Variants in ARHGAP35 observed in about 807,000 individuals in gnomAD.
ARHGAP35 encodes rho GTPase-activating protein 35.
Under a neutral mutation model 111.1 loss-of-function variants are expected in ARHGAP35, and 15 were observed. The ratio of observed to expected loss-of-function variants is 0.13; its 90% confidence interval spans 0.09 to 0.21. The LOEUF is 0.21. Among genes scored for constraint, ARHGAP35 ranks in the 10% least tolerant of loss-of-function variants. The pLI, the probability that ARHGAP35 is intolerant of heterozygous loss-of-function variation, is 1.00. For synonymous variants in ARHGAP35, 643 were observed against 710.3 expected (o/e 0.91, Z 1.51); for missense variants, 1,262 against 1,873.0 (o/e 0.67, Z 6.02).
At chr19:46,870,854 AT>A (rs1158559011) in intron 1 of ARHGAP35, among the ~76,000 whole-genome samples, 1 of 152,196 alleles carries the variant, frequency 6.6e-6, no homozygotes, top group African/African-American at 2.4e-5. Flanking sequence ...TTAAAAAAAA[AT>A]AAGGTATAAT....
chr19:46,925,972 G>C (rs2056235633), intron 2 of ARHGAP35, among the ~76,000 whole-genome samples: 1 of 152,196 alleles, frequency 6.6e-6, no homozygotes, highest in African/African-American at 2.4e-5. Flanking sequence ...TCCGAGAAAG[G>C]AGAAAACTTG....
intron 2 of ARHGAP35, among the ~76,000 whole-genome samples, chr19:46,924,274 A>T (rs964043021): frequency 1.3e-5 from 2 of 152,208 alleles, no homozygotes; most frequent in African/African-American, 4.8e-5. Context: ...TGTAATACAG[A>T]GGCCAGTTTG....
chr19:46,871,588 C>T lies in ARHGAP35; in HGVS notation c.-189+10379C>T, dbSNP rs193265340. Among the ~76,000 whole-genome samples the T allele has an allele frequency of 6.5e-3, 985 of 152,058 alleles. 6 individuals carry two copies. The highest frequency in any genetic ancestry group is 0.022 in the African/African-American group (918 of 41,488). ...GAACTCCTGACCTCATGTGATCCAC[C>T]TGCCTCAGCCTCCCAAAGTGCTGGG... On this transcript the variant is annotated intron_variant, in intron 1 of 6. Transcript: ENST00000672722.
intron 1 of ARHGAP35, among the ~76,000 whole-genome samples, chr19:46,884,974 T>A (rs1449555949): frequency 2.6e-5 from 4 of 152,188 alleles, no homozygotes; most frequent in Admixed American, 6.5e-5. Context: ...TGCCTTGACC[T>A]CCCAACGTGT....
rs547896641 is a variant in ARHGAP35 at position 46,879,072 on chromosome 19, T to C, written c.-189+17863T>C. 6.6e-5 allele frequency among the ~76,000 whole-genome samples: 10 copies of C among 152,368 alleles called. No homozygotes were observed. The South Asian group carries it at 2.1e-3, about 32-fold the overall frequency. On this transcript the variant is annotated intron_variant, in intron 1 of 6. Coordinates refer to ENST00000672722, the MANE Select transcript of ARHGAP35 (RefSeq NM_004491.5). ...ATCCTCTGAAACCCTGCTGCTACTTTATCAGCTAAGCTATGTAATACTCTG... is the reference window on the plus strand; with the variant it reads ...ATCCTCTGAAACCCTGCTGCTACTTCATCAGCTAAGCTATGTAATACTCTG...
At chr19:46,974,787 C>T (rs1485143645) in intron 3 of ARHGAP35, among the ~76,000 whole-genome samples, 4 of 152,156 alleles carry the variant, frequency 2.6e-5, no homozygotes, top group Admixed American at 6.5e-5. Context: ...AAGGTTTGGT[C>T]TTTCTGGAGA....
intron 1 of ARHGAP35, among the ~76,000 whole-genome samples, chr19:46,876,860 CAG>C: frequency 6.6e-6 from 1 of 152,270 alleles, no homozygotes; most frequent in Middle Eastern, 3.4e-3. Context: ...AGGCATAACT[CAG>C]AGATAGTGTG....
intron 2 of ARHGAP35, among the ~76,000 whole-genome samples, chr19:46,928,602 C>T (rs1022828459): frequency 5.3e-5 from 8 of 151,900 alleles, no homozygotes; most frequent in Admixed American, 2.6e-4. Context: ...GGGGTGGATC[C>T]GCGGTCACCA....
Position 46,999,546 on chromosome 19 carries a change from C to A in ARHGAP35, c.4142+137C>A. On this transcript the variant is annotated intron_variant, in intron 6 of 6. Coordinates refer to ENST00000672722, the MANE Select transcript of ARHGAP35 (RefSeq NM_004491.5). The surrounding 1 kb of genome is among the most constrained non-coding windows in gnomAD (Gnocchi z 5.4). ...CCTGGAAGGGGTGCTGGCTGGCCTC[C>A]CATGGTGCCCGCTGGTCTCGGTGCC... The A allele has an allele frequency of 1.6e-6, 1 of 626,034 alleles. No homozygotes were observed. The highest frequency in any genetic ancestry group is 2.8e-6 in the Non-Finnish European group (1 of 358,612). 38.8% of individuals were successfully genotyped at this position (626,034 alleles called of 1,614,324 possible).
chr19:46,909,494 C>T (rs1326029249), intron 1 of ARHGAP35, among the ~76,000 whole-genome samples: 9 of 152,046 alleles, frequency 5.9e-5, no homozygotes, highest in South Asian at 2.1e-4. Flanking sequence ...TTGCATGAGA[C>T]GACGTGTTTC....
chr19:46,889,735 A>G, intron 1 of ARHGAP35, among the ~76,000 whole-genome samples: 1 of 130,274 alleles, frequency 7.7e-6, no homozygotes, highest in African/African-American at 3.0e-5. Context: ...TGGGCGACAG[A>G]GCGAGACTCC....
chr19:46,973,646 G>A (rs142192545), intron 3 of ARHGAP35, among the ~76,000 whole-genome samples: 3,002 of 151,808 alleles, frequency 0.02, 108 homozygotes, highest in African/African-American at 0.068. Flanking sequence ...AGCAGAGATC[G>A]CACCACTGCA....
At chr19:46,891,571 C>A (rs536797133) in intron 1 of ARHGAP35, among the ~76,000 whole-genome samples, 1 of 152,106 alleles carries the variant, frequency 6.6e-6, no homozygotes, top group East Asian at 1.9e-4. Flanking sequence ...GGACTACAGG[C>A]TAGCACCACC....
intron 1 of ARHGAP35, among the ~76,000 whole-genome samples, chr19:46,877,323 G>A (rs1182098421): frequency 2.0e-5 from 3 of 151,642 alleles, no homozygotes; most frequent in African/African-American, 7.3e-5. Context: ...AGCACTTTGG[G>A]AGGCGGAGGT....
intron 1 of ARHGAP35, among the ~76,000 whole-genome samples, chr19:46,892,468 C>CAA (rs982546554): frequency 0.012 from 803 of 67,050 alleles, 3 homozygotes; most frequent in Middle Eastern, 0.028. Context: ...AACCCTGTCT[C>CAA]AAAAAAAAAA....
At chr19:46,883,261 A>T (rs2055973003) in intron 1 of ARHGAP35, among the ~76,000 whole-genome samples, 1 of 144,932 alleles carries the variant, frequency 6.9e-6, no homozygotes, top group African/African-American at 2.5e-5. Flanking sequence ...TGCCTGGCTA[A>T]TTTTTTTTTT....
intron 3 of ARHGAP35, chr19:46,948,871 T>C (rs1347490951): frequency 6.6e-6 from 1 of 152,184 alleles, no homozygotes; most frequent in Non-Finnish European, 1.5e-5. Context: ...ATTTCAAAAT[T>C]ATCGGGCCAG....
chr19:46,899,120 G>A (rs1370196212), intron 1 of ARHGAP35, among the ~76,000 whole-genome samples: 2 of 152,180 alleles, frequency 1.3e-5, no homozygotes. Flanking sequence ...TTGACCAAAT[G>A]AATGCTGTAA....
At position 46,965,270 on chromosome 19, in the gene ARHGAP35, G is replaced by A. The variant is rs1259114458; in HGVS notation, c.3827-22719G>A. On this transcript the variant is annotated intron_variant, in intron 3 of 6. Transcript: ENST00000672722. ...AGAGGTTGCAGTGAGCCGAGATTGC[G>A]CCATTGCACTCCAGCCTGGAGGACA... is the stretch of plus-strand genomic sequence containing the variant. Among the ~76,000 whole-genome samples, 5 of 152,270 alleles carry A rather than the reference G, an allele frequency of 3.3e-5. No individual in the cohort carries two copies. In the East Asian group the frequency reaches 5.8e-4, roughly 18 times the overall value.
Sources: allele counts gnomAD v4.1 joint callset (sites outside exome capture counted in the v4.1 genomes callset), GRCh38; gene constraint gnomAD v4.1.1; non-coding constraint Gnocchi (gnomAD v3.1); transcripts MANE v1.5; gene names NCBI Gene and HGNC (gene_info 2026-07-23, HGNC 2026-07-21).